CEP192: variants seen among roughly 807,000 people sequenced by gnomAD.
CEP192 encodes centrosomal protein 192.
Under a neutral mutation model 271.8 loss-of-function variants are expected in CEP192, and 151 were observed. The observed-to-expected ratio is 0.56, with a 90% confidence interval of 0.49 to 0.64. The LOEUF (loss-of-function observed/expected upper bound fraction) is 0.64, where lower values mean the gene tolerates loss of function less well. Among genes scored for constraint, CEP192 ranks in the 30% least tolerant of loss-of-function variants. The pLI, the probability that CEP192 is intolerant of heterozygous loss-of-function variation, is 0.00. For synonymous variants in CEP192, 995 were observed against 1,076.5 expected, an observed-to-expected ratio of 0.92 and a Z score of 1.48; for missense variants, 2,910 against 3,020.5, an observed-to-expected ratio of 0.96 and a Z score of 0.86.
At chr18:13,068,295 T>G (rs2037822462) in intron 23 of CEP192, 58 bp downstream of exon 23, 2 of 1,601,312 alleles carry the variant, frequency 1.2e-6, no homozygotes, top group Non-Finnish European at 1.7e-6. Context: ...CCTCTTTTCT[T>G]TCATTAAGAT....
chr18:13,072,083 G>A (rs1270197403), intron 28 of CEP192, among the ~76,000 whole-genome samples: 9 of 152,256 alleles, frequency 5.9e-5, no homozygotes, highest in Middle Eastern at 3.4e-3. Flanking sequence ...AGTTGTCTGC[G>A]TTTCTCTTAA....
At chr18:13,120,929 G>A (rs1227420908) in intron 44 of CEP192, among the ~76,000 whole-genome samples, 2 of 152,306 alleles carry the variant, frequency 1.3e-5, no homozygotes, top group East Asian at 1.9e-4. Flanking sequence ...CGCAAAGAAA[G>A]GTGGAAACAC....
chr18:13,089,519 C>A lies in CEP192; in HGVS notation c.6057C>A (p.Asn2019Lys). ...QILPEHSVLQNINFVEAFQDE... is the reference protein window; with the variant it reads ...QILPEHSVLQKINFVEAFQDE... ...TTCCAGAACATAGTGTGCTTCAAAA[C>A]ATTAATTTTGTTGAAGCATTTCAAG... Residue 2019 changes from asparagine (N) to lysine (K), a missense_variant, in exon 33 of 45, where the codon AAC becomes AAA. Asn to Lys is a moderately conservative substitution (Grantham distance 94, BLOSUM62 0). Transcript: ENST00000506447. The A allele has an allele frequency of 1.2e-6, 2 of 1,604,726 alleles. No individual in the cohort carries two copies. The highest frequency in any genetic ancestry group is 1.7e-6 in the Non-Finnish European group (2 of 1,174,350).
chr18:13,006,636 C>T (rs543206343), intron 3 of CEP192, among the ~76,000 whole-genome samples: 3 of 152,106 alleles, frequency 2.0e-5, no homozygotes, highest in Non-Finnish European at 4.4e-5. Flanking sequence ...TTGAACTGCT[C>T]CTTTTTTTCT....
At chr18:13,071,554 A>T (rs113846135) in intron 28 of CEP192, among the ~76,000 whole-genome samples, 1 of 152,310 alleles carries the variant, frequency 6.6e-6, no homozygotes, top group African/African-American at 2.4e-5. Flanking sequence ...CTTCTAAATG[A>T]TCTAAATTTC....
chr18:13,110,799 G>A (rs1369522660), intron 40 of CEP192, among the ~76,000 whole-genome samples: 3 of 152,196 alleles, frequency 2.0e-5, no homozygotes, highest in Non-Finnish European at 4.4e-5. Context: ...AAACACTTAT[G>A]TAAATCCCAG....
In CEP192 at chr18:13,087,271, A is replaced by C. The variant is rs747966993; in HGVS notation, c.5871A>C (p.Thr1957=). 1.9e-6 allele frequency: 3 copies of C among 1,597,168 alleles called. No homozygotes were observed. The South Asian group carries it at 3.4e-5, about 18-fold the overall frequency. Residue 1957 remains threonine, a synonymous_variant, in exon 31 of 45, where the codon ACA becomes ACC. Transcript: ENST00000506447. ...FPDKFVLKER[T]QENVTLIYNP... ...ATAAATTTGTACTCAAGGAAAGAAC[A>C]CAAGAAGTAAGTACAAAAGTTTCTG...
chr18:13,065,157 T>A (rs906603200), intron 21 of CEP192, among the ~76,000 whole-genome samples: 24 of 150,276 alleles, frequency 1.6e-4, no homozygotes, highest in African/African-American at 5.1e-4. Context: ...GAAAGTTTTT[T>A]AATCAGTTCT....
At chr18:13,059,888 A>G (rs1320397187) in intron 21 of CEP192, among the ~76,000 whole-genome samples, 7 of 152,148 alleles carry the variant, frequency 4.6e-5, no homozygotes, top group Non-Finnish European at 8.8e-5. Context: ...GTAATTTTCA[A>G]ATCTTCCCAG....
intron 43 of CEP192, among the ~76,000 whole-genome samples, chr18:13,117,229 C>T (rs1199609965): frequency 6.6e-6 from 1 of 152,054 alleles, no homozygotes; most frequent in Non-Finnish European, 1.5e-5. Flanking sequence ...TGCCCCCATC[C>T]GCCCAGAAAT....
chr18:13,072,922 T>G lies in CEP192; in HGVS notation c.5439+77T>G, dbSNP rs2038089208. 1.9e-6 allele frequency: 3 copies of G among 1,539,814 alleles called. No individual in the cohort carries two copies. The South Asian group carries it at 3.4e-5, about 17-fold the overall frequency. ...CTTGCATATGCAGACCTTTTTGTGT[T>G]ATTTAGCTTTTAAGAATCTGTGTTA... On this transcript the variant is annotated intron_variant, in intron 29 of 44. Coordinates refer to ENST00000506447, the MANE Select transcript of CEP192 (RefSeq NM_032142.4).
At chr18:13,027,399 G>A (rs1015808586) in intron 9 of CEP192, among the ~76,000 whole-genome samples, 1 of 152,196 alleles carries the variant, frequency 6.6e-6, no homozygotes, top group East Asian at 1.9e-4. Flanking sequence ...GCCCACCTAT[G>A]ACTGGATCCT....
At chr18:12,998,961 T>C (rs1404833918) in intron 1 of CEP192, among the ~76,000 whole-genome samples, 1 of 152,202 alleles carries the variant, frequency 6.6e-6, no homozygotes, top group Admixed American at 6.5e-5. Context: ...TTTAATTCAG[T>C]CTTAACAACA....
chr18:13,100,211 C>A, intron 37 of CEP192, 94 bp from the exon 38 acceptor site: 1 of 793,316 alleles, frequency 1.3e-6, no homozygotes, highest in Admixed American at 2.6e-5. Context: ...GTTTGTTTGG[C>A]ATTTCTTTTC....
rs1271194078 is a variant in CEP192, at chr18:13,015,445, T to C, written c.637T>C (p.Ser213Pro). ...CTTACCGACAAGCTTGGAAGATTCT[T>C]CTGGTACTGCAGAGTAACCTGTGTT... Reference protein sequence around the residue: ...LILPTSLEDSSDDDIDDEMFY... With the variant: ...LILPTSLEDSPDDDIDDEMFY... The change falls in exon 6 of 45, where the codon TCT becomes CCT. Residue 213 changes from serine (S) to proline (P), a missense_variant. Coordinates refer to ENST00000506447, the MANE Select transcript of CEP192 (RefSeq NM_032142.4). 3.9e-6 allele frequency: 6 copies of C among 1,551,372 alleles called. No individual in the cohort carries two copies. The South Asian group carries it at 5.9e-5, about 15-fold the overall frequency.
rs1339421303 is a variant in CEP192 at position 13,096,289 on chromosome 18, A to G, written c.6539A>G (p.His2180Arg). The G allele has an allele frequency of 1.2e-6, 2 of 1,613,656 alleles. No individual in the cohort carries two copies. The highest frequency in any genetic ancestry group is 1.3e-5 in the African/African-American group (1 of 74,930). ...PAHCLTVTPQ[H>R]GCVAPESKLQ... is the part of the protein sequence containing the mutation. ...CATTGCCTCACAGTCACGCCGCAGC[A>G]TGGATGTGTCGCGCCAGAGTAAGTC... Residue 2180 changes from histidine (H) to arginine (R), a missense_variant, in exon 36 of 45, where the codon CAT becomes CGT. Coordinates refer to ENST00000506447, the MANE Select transcript of CEP192 (RefSeq NM_032142.4).
intron 40 of CEP192, among the ~76,000 whole-genome samples, chr18:13,109,955 A>T (rs935406574): frequency 2.0e-5 from 3 of 152,172 alleles, no homozygotes; most frequent in Non-Finnish European, 4.4e-5. Context: ...AGTATCAAAG[A>T]CTTCTAAAAT....
chr18:13,032,671 G>A (rs2035698661), intron 11 of CEP192, among the ~76,000 whole-genome samples: 1 of 152,156 alleles, frequency 6.6e-6, no homozygotes, highest in South Asian at 2.1e-4. Flanking sequence ...TAGGGCGTAT[G>A]TATTCACCAA....
At chr18:13,057,260 T>TG (rs779097873) in intron 19 of CEP192, among the ~76,000 whole-genome samples, 45 of 150,898 alleles carry the variant, frequency 3.0e-4, no homozygotes, top group South Asian at 1.1e-3. Flanking sequence ...TTTGTTTGTT[T>TG]TTTTTTTTAG....
Sources: gnomAD v4.1 joint callset for allele counts (sites outside exome capture counted in the v4.1 genomes callset) on GRCh38, gnomAD v4.1.1 for gene constraint, MANE v1.5 for transcripts, NCBI Gene and HGNC (gene_info 2026-07-23, HGNC 2026-07-21) for gene names.